The following CEP350 variants were observed in gnomAD, a reference collection of about 807,000 sequenced individuals.
The protein encoded by CEP350 is centrosome-associated protein 350.
A neutral mutation model predicts 331.8 loss-of-function variants in CEP350; 126 were observed. That is an observed-to-expected ratio of 0.38 (90% CI 0.33 to 0.44). The LOEUF (loss-of-function observed/expected upper bound fraction) is 0.44. Ranked by LOEUF, CEP350 falls within the 20% of genes least tolerant of loss-of-function variation. The pLI is 1.00. For missense variants in CEP350, 3,406 were observed against 3,634.6 expected, an observed-to-expected ratio of 0.94 and a Z score of 1.62; for synonymous variants, 1,200 against 1,259.5, an observed-to-expected ratio of 0.95 and a Z score of 1.00.
At chr1:180,056,214 A>G (rs1571932344) in intron 25 of CEP350, among the ~76,000 whole-genome samples, 1 of 152,130 alleles carries the variant, frequency 6.6e-6, no homozygotes, top group Non-Finnish European at 1.5e-5. Flanking sequence ...CAGCACTTCT[A>G]AAGATATTTT....
chr1:180,010,865 C>T (rs1297226121), intron 8 of CEP350, among the ~76,000 whole-genome samples: 2 of 152,170 alleles, frequency 1.3e-5, no homozygotes, highest in African/African-American at 2.4e-5. Context: ...CTGCCTCAGC[C>T]TCTCAAAGTG....
intron 37 of CEP350, among the ~76,000 whole-genome samples, chr1:180,105,185 A>G (rs1661073991): frequency 6.6e-6 from 1 of 152,010 alleles, no homozygotes; most frequent in African/African-American, 2.4e-5. Flanking sequence ...CATTCAACAC[A>G]GTTGATCCCT....
rs1654251820 is a variant in CEP350 at position 180,006,325 on chromosome 1, T to C, written c.1133-129T>C. The stretch of plus-strand genomic sequence containing the variant: ...GTTGGTATTATGTGGGCCATAGAAG[T>C]AGCCTCAGTGTAGGTTTCTTTCTCC... On this transcript the variant is annotated intron_variant, in intron 7 of 37. Coordinates refer to ENST00000367607, the MANE Select transcript of CEP350 (RefSeq NM_014810.5). The C allele has an allele frequency of 1.6e-5, 10 of 608,220 alleles. No homozygotes were observed. The Admixed American group carries it at 2.9e-4, about 18-fold the overall frequency. The allele number at this position is 608,220 out of a possible 1,614,324, so 37.7% of individuals were successfully genotyped here. A position where few individuals can be genotyped will look rare whatever the true frequency, so the allele number is the denominator to read the frequency against.
chr1:180,061,373 CTT>C (rs907793027), intron 25 of CEP350, among the ~76,000 whole-genome samples: 60 of 152,000 alleles, frequency 3.9e-4, no homozygotes, highest in African/African-American at 1.4e-3. Context: ...ATTTTTGTGT[CTT>C]TTGTAGAGGT....
chr1:179,964,950 G>T (rs906639288), intron 1 of CEP350, among the ~76,000 whole-genome samples: 3 of 151,324 alleles, frequency 2.0e-5, no homozygotes, highest in African/African-American at 7.3e-5. Context: ...CTAGCTTTGG[G>T]TTTAGTTTGT....
In CEP350 at chr1:180,006,537, G is replaced by A. The variant is rs1221875833; in HGVS notation, c.1216G>A (p.Ala406Thr). 7 of 1,548,504 alleles carry A rather than the reference G, an allele frequency of 4.5e-6. No homozygotes were observed. The highest frequency in any genetic ancestry group is 6.1e-6 in the Non-Finnish European group (7 of 1,141,864). ...VKPVRKVQKV[A>T]QLSSTECRTG... ...GCCAGTACGAAAAGTCCAAAAAGTA[G>A]CACAGTTATCAAGTACAGAATGCAG... The change falls in exon 8 of 38, where the codon GCA becomes ACA. Residue 406 changes from alanine (A) to threonine (T), a missense_variant. By Grantham distance (58) the Ala-to-Thr change is moderately conservative (BLOSUM62 0). This residue lies in a region of CEP350 where 1,857 missense variants were observed against 1,909.2 expected (regional missense o/e 0.97). Transcript: ENST00000367607.
chr1:180,049,562 T>A (rs1302287757), intron 22 of CEP350, among the ~76,000 whole-genome samples: 1 of 131,620 alleles, frequency 7.6e-6, no homozygotes, highest in Non-Finnish European at 1.6e-5. Flanking sequence ...TTTTTTTTTT[T>A]GAGACAGAGT....
At position 180,003,248 on chromosome 1, in the gene CEP350, A is replaced by G. The variant is rs181034381; in HGVS notation, c.1093A>G (p.Ser365Gly). The stretch of plus-strand genomic sequence containing the variant: ...GCAGGAGGCTGAGTTTCAAAACATG[A>G]GTAGAGAACTGTATCGAGATTTAGC... ...VWQEAEFQNM[S>G]RELYRDLALH... The change falls in exon 7 of 38, where the codon AGT becomes GGT. Residue 365 changes from serine to glycine, a missense_variant. This residue lies in a region of CEP350 where 1,857 missense variants were observed against 1,909.2 expected (regional missense o/e 0.97). Transcript: ENST00000367607. 6.2e-7 allele frequency: 1 copy of G among 1,612,940 alleles called. No homozygotes were observed. The highest frequency in any genetic ancestry group is 1.3e-5 in the African/African-American group (1 of 75,034).
At chr1:179,988,190 G>A (rs948860164) in intron 3 of CEP350, among the ~76,000 whole-genome samples, 2 of 151,792 alleles carry the variant, frequency 1.3e-5, no homozygotes, top group Admixed American at 1.3e-4. Context: ...CCAGCCACTC[G>A]GGAGGCTGAG....
At chr1:179,985,568 A>G (rs2148663406) in intron 1 of CEP350, among the ~76,000 whole-genome samples, 1 of 152,270 alleles carries the variant, frequency 6.6e-6, no homozygotes, top group East Asian at 1.9e-4. Context: ...TATAAAGAAA[A>G]GATGTTTAAT....
chr1:180,093,556 C>T lies in CEP350; in HGVS notation c.7451C>T (p.Ser2484Phe). ...EHEQQVTESP[S>F]LASVPTADEL... ...GAACAGCAAGTTACTGAATCCCCTT[C>T]CTTGGCTTCAGTTCCTACTGCAGAC... is the stretch of plus-strand genomic sequence containing the variant. The change falls in exon 34 of 38, where the codon TCC (serine) becomes TTC (phenylalanine). Residue 2484 changes from serine to phenylalanine, a missense_variant. Coordinates refer to ENST00000367607, the MANE Select transcript of CEP350 (RefSeq NM_014810.5). 1 of 1,613,644 alleles carries T rather than the reference C, an allele frequency of 6.2e-7. No homozygotes were observed. The highest frequency in any genetic ancestry group is 8.5e-7 in the Non-Finnish European group (1 of 1,179,580).
chr1:180,007,291 T>C (rs1056618020), intron 8 of CEP350, among the ~76,000 whole-genome samples: 2 of 152,242 alleles, frequency 1.3e-5, no homozygotes, highest in Non-Finnish European at 2.9e-5. Context: ...GACTTTTTAA[T>C]GATCACCATT....
At chr1:179,978,515 T>A (rs1195386592) in intron 1 of CEP350, among the ~76,000 whole-genome samples, 1 of 152,084 alleles carries the variant, frequency 6.6e-6, no homozygotes, top group East Asian at 1.9e-4. Context: ...TTTTGTATCC[T>A]TTAGCAAATC....
chr1:180,042,973 C>T, intron 19 of CEP350, 83 bp from the exon 20 acceptor site: 1 of 1,448,278 alleles, frequency 6.9e-7, no homozygotes, highest in Non-Finnish European at 9.3e-7. Context: ...AGTGATCTTT[C>T]TTTCCAAGAC....
Position 180,048,675 on chromosome 1 carries a change from GAT to G in CEP350, c.4764_4765del (p.Asp1588GlufsTer7). On this transcript the variant is annotated frameshift_variant, in exon 22 of 38. Coordinates refer to ENST00000367607, the MANE Select transcript of CEP350 (RefSeq NM_014810.5). LOFTEE classifies it high-confidence loss of function. Reference protein sequence around the residue: ...QTAADDSLRSDSVPSLPDEKD... With the variant: ...QTAADDSLRSXSVPSLPDEKD... ...TGCTGCAGATGATTCTCTACGAAGT[GAT>G]AGTGTTCCATCTCTTCCTGATGAAA... is the stretch of plus-strand genomic sequence containing the variant. The G allele has an allele frequency of 6.2e-7, 1 of 1,612,318 alleles. No individual in the cohort carries two copies. Among genetic ancestry groups the G allele is most frequent in the Non-Finnish European group, 8.5e-7 (1 of 1,179,170 alleles).
At position 179,983,011 on chromosome 1, in the gene CEP350, G is replaced by A. The variant is rs140691245; in HGVS notation, c.-13-3158G>A. 9.1e-3 allele frequency among the ~76,000 whole-genome samples: 1,383 copies of A among 152,040 alleles called. 16 individuals carry two copies. The highest frequency in any genetic ancestry group is 0.014 in the Non-Finnish European group (939 of 67,964). On this transcript the variant is annotated intron_variant, in intron 1 of 37. Transcript: ENST00000367607. ...TCACTGTGTTGGCCAGGATGGTCTT[G>A]ATCTCTTGACCTCATGATCCACCTC...
chr1:179,990,911 C>T (rs2148686246), intron 4 of CEP350, among the ~76,000 whole-genome samples: 1 of 152,260 alleles, frequency 6.6e-6, no homozygotes, highest in African/African-American at 2.4e-5. Context: ...TTTCTTCTTA[C>T]AGTCTCGTGT....
intron 32 of CEP350, among the ~76,000 whole-genome samples, chr1:180,088,315 A>G (rs1163471853): frequency 6.6e-6 from 1 of 152,122 alleles, no homozygotes; most frequent in African/African-American, 2.4e-5. Flanking sequence ...GTGTATTAGG[A>G]AGTCAGGTTA....
intron 11 of CEP350, among the ~76,000 whole-genome samples, chr1:180,016,658 A>ACG (rs1553255480): frequency 1.2e-5 from 1 of 86,690 alleles, no homozygotes; most frequent in Non-Finnish European, 2.4e-5. Context: ...ATTTTGGGTT[A>ACG]TGTTTTTTTT....
Sources: gnomAD v4.1 joint callset for allele counts (sites outside exome capture counted in the v4.1 genomes callset) on GRCh38, gnomAD v4.1.1 for gene constraint, gnomAD v4.1.1 regional missense constraint, MANE v1.5 for transcripts, NCBI Gene and HGNC (gene_info 2026-07-23, HGNC 2026-07-21) for gene names.